ARFGAP3: variants seen among roughly 807,000 people sequenced by gnomAD.
The protein encoded by ARFGAP3 is ARF GTPase activating protein 3.
In ARFGAP3, 72 loss-of-function variants were observed where a neutral mutation model predicts 75.0. The observed-to-expected ratio is 0.96, with a 90% CI of 0.79 to 1.17. The LOEUF (loss-of-function observed/expected upper bound fraction) is 1.17. Among genes scored for constraint, ARFGAP3 ranks in the 50% most tolerant of loss-of-function variants. The pLI, the probability that ARFGAP3 is intolerant of heterozygous loss-of-function variation, is 0.00. For missense variants in ARFGAP3, 620 were observed against 626.6 expected (o/e 0.99, Z 0.11); for synonymous variants, 221 against 217.9 (o/e 1.01, Z -0.13).
chr22:42,799,882 T>C (rs80050813), intron 14 of ARFGAP3, among the ~76,000 whole-genome samples: 1,612 of 152,320 alleles, frequency 0.011, 28 homozygotes, highest in African/African-American at 0.036. Context: ...ACTGCCAGTC[T>C]TCCCAGGTAC....
rs764697441 is a variant in ARFGAP3, at chr22:42,840,934, A to G, written c.261+10T>C. 1.9e-6 allele frequency: 3 copies of G among 1,613,378 alleles called. No individual in the cohort carries two copies. The Admixed American group carries it at 5.0e-5, about 27-fold the overall frequency. On this transcript the variant is annotated intron_variant, in intron 3 of 15. Coordinates refer to ENST00000263245, the MANE Select transcript of ARFGAP3 (RefSeq NM_014570.5). ...CAAGAAGGAAAATGACGAGTTTGAG[A>G]TGAACTTACTGCACTAGCGTTTCCT...
In ARFGAP3 at chr22:42,840,941, T is replaced by C. The variant is rs1926753925; in HGVS notation, c.261+3A>G. 1 of 1,613,592 alleles carries C rather than the reference T, an allele frequency of 6.2e-7. No individual in the cohort carries two copies. Among genetic ancestry groups the C allele is most frequent in the South Asian group, 1.1e-5 (1 of 90,974 alleles). On this transcript the variant is annotated splice_donor_region_variant and intron_variant, in intron 3 of 15. Coordinates refer to ENST00000263245, the MANE Select transcript of ARFGAP3 (RefSeq NM_014570.5). ...GAAAATGACGAGTTTGAGATGAACT[T>C]ACTGCACTAGCGTTTCCTCCGACTT...
intron 6 of ARFGAP3, among the ~76,000 whole-genome samples, chr22:42,831,097 C>T (rs534443820): frequency 1.6e-4 from 24 of 151,610 alleles, no homozygotes; most frequent in African/African-American, 5.3e-4. Context: ...GTCAGGAGTT[C>T]GAGATCAGCA....
chr22:42,812,553 A>T (rs897806583), intron 11 of ARFGAP3, among the ~76,000 whole-genome samples: 2 of 152,194 alleles, frequency 1.3e-5, no homozygotes, highest in African/African-American at 4.8e-5. Flanking sequence ...AAAGGCCAAT[A>T]TAAGAGGGAA....
At chr22:42,843,051 G>A (rs1450791867) in intron 2 of ARFGAP3, among the ~76,000 whole-genome samples, 4 of 151,986 alleles carry the variant, frequency 2.6e-5, no homozygotes, top group African/African-American at 7.3e-5. Flanking sequence ...CACACCCAAG[G>A]CCAGGAAAGG....
At chr22:42,808,274 C>T (rs538722167) in intron 13 of ARFGAP3, among the ~76,000 whole-genome samples, 6 of 151,362 alleles carry the variant, frequency 4.0e-5, no homozygotes, top group Non-Finnish European at 8.8e-5. Flanking sequence ...GGTGCACGGC[C>T]GTATTCCCAG....
rs751438835 is a variant in ARFGAP3, at chr22:42,797,358, C to T, written c.*230G>A. ...AATAAAGCAAGGATATACACAGAGA[C>T]GCCAAAGGAGGGTGTGACAGGAAGG... On this transcript the variant is annotated 3_prime_UTR_variant, in exon 16 of 16. Transcript: ENST00000263245. The T allele has an allele frequency of 3.8e-5, 23 of 599,586 alleles. No individual in the cohort carries two copies. Among genetic ancestry groups the T allele is most frequent in the Non-Finnish European group, 5.8e-5 (20 of 342,206 alleles). 37.1% of individuals were successfully genotyped at this position (599,586 alleles called of 1,614,324 possible).
At chr22:42,813,839 C>T (rs1478078132) in intron 11 of ARFGAP3, among the ~76,000 whole-genome samples, 3 of 152,226 alleles carry the variant, frequency 2.0e-5, no homozygotes, top group Non-Finnish European at 4.4e-5. Flanking sequence ...CTCAGAAACA[C>T]ACAGACTTTC....
chr22:42,800,094 T>C (rs1223187251), intron 14 of ARFGAP3, among the ~76,000 whole-genome samples: 1 of 152,152 alleles, frequency 6.6e-6, no homozygotes, highest in Non-Finnish European at 1.5e-5. Context: ...GAGCTGACAA[T>C]CAGGGGTTCA....
intron 9 of ARFGAP3, among the ~76,000 whole-genome samples, chr22:42,821,410 A>C (rs1433015140): frequency 6.6e-6 from 1 of 152,214 alleles, no homozygotes; most frequent in Non-Finnish European, 1.5e-5. Flanking sequence ...AGGCCCTGGC[A>C]ACCAGTAAGT....
intron 6 of ARFGAP3, among the ~76,000 whole-genome samples, chr22:42,827,330 C>T (rs555472144): frequency 1.3e-5 from 2 of 152,242 alleles, no homozygotes; most frequent in African/African-American, 4.8e-5. Flanking sequence ...TATACATACC[C>T]AATGTATGTT....
rs1030813092 is a variant in ARFGAP3, at chr22:42,826,810, T to A, written c.625+130A>T. 37 of 611,384 alleles carry A rather than the reference T, an allele frequency of 6.1e-5. No individual in the cohort carries two copies. In the African/African-American group the frequency reaches 6.4e-4, roughly 11 times the overall value. 37.9% of individuals were successfully genotyped at this position (611,384 alleles called of 1,614,324 possible). ...ATAGTATCTTTTGTTTAATAAAATCTTATTAACAGATTCGGTCATGATTAT... is the reference window on the plus strand; with the variant it reads ...ATAGTATCTTTTGTTTAATAAAATCATATTAACAGATTCGGTCATGATTAT... On this transcript the variant is annotated intron_variant, in intron 7 of 15. Transcript: ENST00000263245.
rs73176813 is a variant in ARFGAP3, at chr22:42,808,795, A to C, written c.1292T>G (p.Met431Arg). The change falls in exon 13 of 16, where the codon ATG becomes AGG. Residue 431 changes from methionine to arginine, a missense_variant. Transcript: ENST00000263245. ...AGCCTGGGATTGTCTTCCAAAATAC[A>C]TATCTGATGAAATGGCCTTGACATT... ...FGNVKAISSD[M>R]YFGRQSQADY... is the part of the protein sequence containing the mutation. The C allele has an allele frequency of 3.7e-6, 6 of 1,613,042 alleles. No individual in the cohort carries two copies. The highest frequency in any genetic ancestry group is 3.3e-5 in the Admixed American group (2 of 59,912).
At chr22:42,812,128 C>G (rs752381646) in intron 11 of ARFGAP3, among the ~76,000 whole-genome samples, 1 of 145,886 alleles carries the variant, frequency 6.9e-6, no homozygotes, top group Non-Finnish European at 1.5e-5. Flanking sequence ...GTCCCAGCTA[C>G]TTGGGAGGCT....
rs1276366486 is a variant in ARFGAP3, at chr22:42,835,489, GA to G, written c.265del (p.Ser89ProfsTer72). 6.2e-7 allele frequency: 1 copy of G among 1,613,638 alleles called. No homozygotes were observed. The highest frequency in any genetic ancestry group is 2.2e-5 in the East Asian group (1 of 44,878). ...MQVGGNASAS[S>X]FFHQHGCSTN... ...GGAACACCCATGTTGATGAAAAAAG[GA>G]AGACTACAGAGAAAAGCATGCACAT... On this transcript the variant is annotated frameshift_variant, in exon 4 of 16. Transcript: ENST00000263245. LOFTEE classifies it high-confidence loss of function.
chr22:42,811,113 C>A (rs1925351358), intron 11 of ARFGAP3, 169 bp from the exon 12 acceptor site: 1 of 639,798 alleles, frequency 1.6e-6, no homozygotes, highest in African/African-American at 2.0e-5. Context: ...ATTTCCAAGG[C>A]CTTTCAAGTA....
intron 2 of ARFGAP3, among the ~76,000 whole-genome samples, chr22:42,846,635 C>T (rs898687190): frequency 6.6e-6 from 1 of 152,214 alleles, no homozygotes; most frequent in African/African-American, 2.4e-5. Context: ...AAATCATTCA[C>T]TCAGGCTTTG....
intron 6 of ARFGAP3, 144 bp downstream of exon 6, chr22:42,831,405 C>T (rs1926281284): frequency 1.5e-6 from 1 of 662,886 alleles, no homozygotes; most frequent in African/African-American, 1.9e-5. Context: ...CTGCTGGGCT[C>T]AGGCGATCCC....
intron 7 of ARFGAP3, among the ~76,000 whole-genome samples, chr22:42,824,469 G>A (rs534480108): frequency 6.6e-5 from 10 of 151,332 alleles, no homozygotes; most frequent in African/African-American, 2.2e-4. Context: ...TGATCCTCTC[G>A]TCTCAGCCTC....
Sources: gnomAD v4.1 joint callset for allele counts (sites outside exome capture counted in the v4.1 genomes callset) on GRCh38, gnomAD v4.1.1 for gene constraint, MANE v1.5 for transcripts, NCBI Gene and HGNC (gene_info 2026-07-23, HGNC 2026-07-21) for gene names.